GREB1L: variants seen among roughly 807,000 people sequenced by gnomAD.
The protein encoded by GREB1L is GREB1-like protein.
GREB1L carries 17 observed loss-of-function variants against 200.8 expected under a neutral mutation model. That is an observed-to-expected ratio of 0.08 (90% confidence interval 0.06 to 0.13). The LOEUF (loss-of-function observed/expected upper bound fraction) is 0.13, where lower values mean the gene tolerates loss of function less well. GREB1L is among the 10% of genes least tolerant of loss of function. The pLI is 1.00. For synonymous variants in GREB1L, 789 were observed against 893.0 expected, an observed-to-expected ratio of 0.88 and a Z score of 2.08; for missense variants, 1,657 against 2,367.7, an observed-to-expected ratio of 0.70 and a Z score of 6.23.
intron 1 of GREB1L, among the ~76,000 whole-genome samples, chr18:21,275,338 G>A (rs1407452045): frequency 6.6e-6 from 1 of 152,086 alleles, no homozygotes; most frequent in South Asian, 2.1e-4. Flanking sequence ...ATAAGTGGGG[G>A]AAAATATTTT....
intron 7 of GREB1L, among the ~76,000 whole-genome samples, chr18:21,425,266 A>T (rs550688652): frequency 1.3e-5 from 2 of 152,146 alleles, no homozygotes; most frequent in African/African-American, 4.8e-5. Context: ...TTATCCATAC[A>T]ATATACAATC....
chr18:21,515,340 G>A, intron 28 of GREB1L, 77 bp from the exon 29 acceptor site: 1 of 930,846 alleles, frequency 1.1e-6, no homozygotes, highest in Non-Finnish European at 1.7e-6. Flanking sequence ...CTGGTATATA[G>A]TAGTGTGTAG....
chr18:21,498,608 C>T (rs929689945), intron 21 of GREB1L, among the ~76,000 whole-genome samples: 4 of 152,206 alleles, frequency 2.6e-5, no homozygotes, highest in South Asian at 2.1e-4. Flanking sequence ...ACAAAGTGAG[C>T]GCTTCCCTGG....
chr18:21,417,421 C>T (rs542653310), intron 7 of GREB1L, among the ~76,000 whole-genome samples: 84 of 151,854 alleles, frequency 5.5e-4, no homozygotes, highest in African/African-American at 1.8e-3. Context: ...AGCGGAGGCA[C>T]GAGAATCGCT....
chr18:21,404,941 T>G (rs781551946), intron 7 of GREB1L, among the ~76,000 whole-genome samples: 8 of 152,246 alleles, frequency 5.3e-5, no homozygotes, highest in Non-Finnish European at 1.0e-4. Flanking sequence ...CATACCTCTT[T>G]CAAATTAATG....
intron 5 of GREB1L, among the ~76,000 whole-genome samples, chr18:21,397,044 A>T (rs2041094044): frequency 6.6e-6 from 1 of 152,146 alleles, no homozygotes; most frequent in African/African-American, 2.4e-5. Flanking sequence ...CATTCTTCCT[A>T]GTTATATAGT....
At chr18:21,343,730 A>AG (rs2039301340) in intron 1 of GREB1L, among the ~76,000 whole-genome samples, 1 of 114,952 alleles carries the variant, frequency 8.7e-6, no homozygotes, top group Non-Finnish European at 1.8e-5. Context: ...GAGAAGAGAG[A>AG]TTTTTTTTTT....
At chr18:21,397,119 CTTAAA>C (rs1292718066) in intron 5 of GREB1L, among the ~76,000 whole-genome samples, 8 of 152,176 alleles carry the variant, frequency 5.3e-5, no homozygotes, top group South Asian at 4.1e-4. Flanking sequence ...ATAGAAGTTC[CTTAAA>C]TTATAGCTTA....
intron 1 of GREB1L, among the ~76,000 whole-genome samples, chr18:21,282,929 A>G (rs1238115500): frequency 6.6e-6 from 1 of 152,214 alleles, no homozygotes; most frequent in Admixed American, 6.5e-5. Flanking sequence ...AACCTAATGC[A>G]TAGTACTTCA....
rs564068554 is a variant in GREB1L, at chr18:21,376,105, C to T, written c.-9-7405C>T. Among the ~76,000 whole-genome samples, 14 of 152,184 alleles carry T rather than the reference C, an allele frequency of 9.2e-5. No homozygotes were observed. In the East Asian group the frequency reaches 1.5e-3, roughly 17 times the overall value. The stretch of plus-strand genomic sequence containing the variant: ...CTGAGGAGGGCATTTCTCTCTCTCT[C>T]TCTCTGCTGTATACTTTTTTAAAAT... On this transcript the variant is annotated intron_variant, in intron 2 of 32. Coordinates refer to ENST00000424526, the MANE Select transcript of GREB1L (RefSeq NM_001142966.3).
chr18:21,430,119 C>G (rs1317705755), intron 7 of GREB1L, among the ~76,000 whole-genome samples: 1 of 152,028 alleles, frequency 6.6e-6, no homozygotes, highest in Non-Finnish European at 1.5e-5. Context: ...ACCCTATGAC[C>G]TCATCTCATC....
intron 1 of GREB1L, among the ~76,000 whole-genome samples, chr18:21,360,970 T>C (rs1020562569): frequency 6.6e-6 from 1 of 152,238 alleles, no homozygotes; most frequent in Admixed American, 6.5e-5. Context: ...ACAGTACATA[T>C]TGGATAACAA....
At chr18:21,468,522 A>G (rs1479497474) in intron 15 of GREB1L, among the ~76,000 whole-genome samples, 1 of 152,222 alleles carries the variant, frequency 6.6e-6, no homozygotes, top group African/African-American at 2.4e-5. Flanking sequence ...AAATGGGTAA[A>G]TTATATGTGA....
chr18:21,451,200 T>C lies in GREB1L; in HGVS notation c.1849+49T>C, dbSNP rs1297375362. 3.9e-6 allele frequency: 6 copies of C among 1,536,770 alleles called. No homozygotes were observed. In the Admixed American group the frequency reaches 9.9e-5, roughly 25 times the overall value. ...ACACTGGCAGCCCCTAGTTGTATGA[T>C]TTTCTGAGTTTAAATCTTAGCCTGT... is the stretch of plus-strand genomic sequence containing the variant. On this transcript the variant is annotated intron_variant, in intron 13 of 32. Transcript: ENST00000424526.
intron 15 of GREB1L, among the ~76,000 whole-genome samples, chr18:21,468,417 A>C (rs902419835): frequency 6.6e-5 from 10 of 152,166 alleles, no homozygotes; most frequent in Non-Finnish European, 1.0e-4. Flanking sequence ...AAATGTATGG[A>C]GTTTCCTTAG....
At chr18:21,507,993 G>A in intron 25 of GREB1L, 125 bp from the exon 26 acceptor site, 1 of 875,488 alleles carries the variant, frequency 1.1e-6, no homozygotes, top group Non-Finnish European at 1.8e-6. Flanking sequence ...CTCACAGCCT[G>A]CTCTGGTGGC....
At chr18:21,393,503 C>T (rs892963602) in intron 4 of GREB1L, among the ~76,000 whole-genome samples, 60 of 148,522 alleles carry the variant, frequency 4.0e-4, no homozygotes, top group African/African-American at 1.4e-3. Context: ...TGAGACAGAG[C>T]CTCGCTCTGT....
At chr18:21,384,527 A>G in intron 4 of GREB1L, 124 bp downstream of exon 4, 3 of 735,594 alleles carry the variant, frequency 4.1e-6, no homozygotes, top group Non-Finnish European at 6.7e-6. Context: ...GGAATGAGAA[A>G]TGATTATGCT....
chr18:21,409,625 A>G (rs1337899589), intron 7 of GREB1L, among the ~76,000 whole-genome samples: 1 of 152,228 alleles, frequency 6.6e-6, no homozygotes, highest in African/African-American at 2.4e-5. Context: ...AGTTTAATAC[A>G]ATCTAATTTA....
Sources: gnomAD v4.1 joint callset for allele counts (sites outside exome capture counted in the v4.1 genomes callset) on GRCh38, gnomAD v4.1.1 for gene constraint, MANE v1.5 for transcripts, NCBI Gene and HGNC (gene_info 2026-07-23, HGNC 2026-07-21) for gene names.